The following SOX5 variants were observed in gnomAD, a reference collection of about 807,000 sequenced individuals.
SOX5 encodes the protein SRY-box transcription factor 5.
SOX5 carries 9 observed loss-of-function variants against 92.0 expected under a neutral mutation model. The observed-to-expected ratio is 0.10, with a 90% CI of 0.06 to 0.17. SOX5 has a LOEUF of 0.17. Ranked by LOEUF, SOX5 falls within the 10% of genes least tolerant of loss-of-function variation. The probability of loss-of-function intolerance (pLI) is 1.00; values close to 1 mark genes in which losing one functional copy is unlikely to be tolerated. For synonymous variants in SOX5, 344 were observed against 336.3 expected (o/e 1.02, Z -0.25); for missense variants, 642 against 944.5 (o/e 0.68, Z 4.20).
chr12:23,896,850 G>A (rs1053080853), intron 1 of SOX5, among the ~76,000 whole-genome samples: 17 of 151,782 alleles, frequency 1.1e-4, no homozygotes, highest in African/African-American at 4.1e-4. Flanking sequence ...ACCCAAAGAA[G>A]GATATTTTGT....
chr12:24,439,575 AT>A (rs978068270), intron 1 of SOX5, among the ~76,000 whole-genome samples: 4 of 152,158 alleles, frequency 2.6e-5, no homozygotes, highest in African/African-American at 9.7e-5. Context: ...GCTATTGTCA[AT>A]TTTTTGAAGA....
chr12:23,821,753 G>C (rs1375905822), intron 3 of SOX5, among the ~76,000 whole-genome samples: 1 of 152,114 alleles, frequency 6.6e-6, no homozygotes, highest in Admixed American at 6.6e-5. Context: ...TCACATTGAT[G>C]TTCATCAGGG....
intron 3 of SOX5, among the ~76,000 whole-genome samples, chr12:24,251,085 G>A (rs557171695): frequency 3.0e-4 from 45 of 152,318 alleles, no homozygotes; most frequent in Middle Eastern, 6.8e-3. Flanking sequence ...AAGTGTTTGC[G>A]TAGCAGCAAC....
intron 6 of SOX5, among the ~76,000 whole-genome samples, chr12:23,707,904 T>C (rs1361145386): frequency 6.6e-6 from 1 of 152,178 alleles, no homozygotes; most frequent in Non-Finnish European, 1.5e-5. Flanking sequence ...GTTCTCTATA[T>C]TAACCTTTTC....
At chr12:24,473,101 G>C (rs1217108484) in intron 1 of SOX5, among the ~76,000 whole-genome samples, 1 of 151,972 alleles carries the variant, frequency 6.6e-6, no homozygotes, top group Non-Finnish European at 1.5e-5. Context: ...TCCTAGAGTA[G>C]TACCAAGCAG....
At chr12:24,195,875 C>A (rs998970468) in intron 4 of SOX5, among the ~76,000 whole-genome samples, 1 of 150,800 alleles carries the variant, frequency 6.6e-6, no homozygotes, top group African/African-American at 2.4e-5. Flanking sequence ...AAACTCTGTG[C>A]ATGTGTGTGT....
At chr12:23,994,669 A>T (rs762513754) in intron 4 of SOX5, among the ~76,000 whole-genome samples, 6 of 152,148 alleles carry the variant, frequency 3.9e-5, no homozygotes, top group Admixed American at 1.3e-4. Context: ...GGGGCGTGGG[A>T]GGTGTGTGGG....
chr12:24,524,315 C>G (rs1597587855), intron 1 of SOX5, among the ~76,000 whole-genome samples: 1 of 152,076 alleles, frequency 6.6e-6, no homozygotes, highest in Non-Finnish European at 1.5e-5. Flanking sequence ...TACCCATGAG[C>G]CAATTTCCCT....
chr12:23,620,657 T>A (rs879911015), intron 8 of SOX5, among the ~76,000 whole-genome samples: 2 of 152,078 alleles, frequency 1.3e-5, no homozygotes, highest in Non-Finnish European at 2.9e-5. Context: ...CCAACACATA[T>A]AACTCATAAA....
chr12:23,866,654 T>C (rs1568462671), intron 2 of SOX5, among the ~76,000 whole-genome samples: 1 of 152,202 alleles, frequency 6.6e-6, no homozygotes, highest in Non-Finnish European at 1.5e-5. Flanking sequence ...CCAAAGTTTT[T>C]AATAACCTCC....
At chr12:23,722,681 A>G (rs944625674) in intron 6 of SOX5, among the ~76,000 whole-genome samples, 1 of 152,184 alleles carries the variant, frequency 6.6e-6, no homozygotes, top group Non-Finnish European at 1.5e-5. Context: ...TTCTATATAC[A>G]TCACTTCATT....
intron 4 of SOX5, among the ~76,000 whole-genome samples, chr12:24,041,456 T>C (rs1236712158): frequency 6.6e-6 from 1 of 152,128 alleles, no homozygotes; most frequent in African/African-American, 2.4e-5. Flanking sequence ...ATACTGACAA[T>C]TAAGAATTTC....
intron 2 of SOX5, among the ~76,000 whole-genome samples, chr12:23,874,547 G>A (rs1192700308): frequency 1.3e-5 from 2 of 152,166 alleles, no homozygotes; most frequent in Admixed American, 6.5e-5. Flanking sequence ...ATCCAGTAAA[G>A]ACTTGTCATG....
chr12:23,791,826 T>C (rs912728821), intron 3 of SOX5, among the ~76,000 whole-genome samples: 6 of 151,924 alleles, frequency 3.9e-5, no homozygotes, highest in Non-Finnish European at 8.8e-5. Context: ...GTTTGACAAA[T>C]AGTGAAATTA....
intron 3 of SOX5, among the ~76,000 whole-genome samples, chr12:23,830,641 C>T (rs554287555): frequency 1.3e-5 from 2 of 152,268 alleles, no homozygotes; most frequent in East Asian, 3.9e-4. Flanking sequence ...CCCACCCCAT[C>T]AAATGCGATT....
At chr12:24,164,878 T>C (rs1953209256) in intron 4 of SOX5, among the ~76,000 whole-genome samples, 1 of 152,068 alleles carries the variant, frequency 6.6e-6, no homozygotes, top group African/African-American at 2.4e-5. Flanking sequence ...TTATATTGAA[T>C]GGAACTAATG....
chr12:24,516,613 T>C (rs1295806044), intron 1 of SOX5, among the ~76,000 whole-genome samples: 1 of 152,190 alleles, frequency 6.6e-6, no homozygotes, highest in African/African-American at 2.4e-5. Context: ...TCTGAGCTTA[T>C]CAAAGAGCTC....
chr12:24,234,114 G>C (rs994416583), intron 3 of SOX5, among the ~76,000 whole-genome samples: 2 of 152,170 alleles, frequency 1.3e-5, no homozygotes, highest in African/African-American at 4.8e-5. Context: ...TATAATGTGT[G>C]CTTGGGAAAA....
intron 4 of SOX5, among the ~76,000 whole-genome samples, chr12:23,981,882 C>A (rs1949602707): frequency 6.6e-6 from 1 of 152,052 alleles, no homozygotes; most frequent in South Asian, 2.1e-4. Context: ...GAAAAATTAA[C>A]TAGAGTTCTT....
Sources: allele counts gnomAD v4.1 joint callset (sites outside exome capture counted in the v4.1 genomes callset), GRCh38; gene constraint gnomAD v4.1.1; transcripts MANE v1.5; gene names NCBI Gene and HGNC (gene_info 2026-07-23, HGNC 2026-07-21).